Variants in COL26A1 observed in about 807,000 individuals in gnomAD.
COL26A1 encodes the protein collagen type XXVI alpha 1 chain, also known as collagen alpha-1(XXVI) chain.
A neutral mutation model predicts 59.3 loss-of-function variants in COL26A1; 41 were observed. The ratio of observed to expected loss-of-function variants is 0.69; its 90% CI spans 0.54 to 0.90. The LOEUF is 0.90. Among genes scored for constraint, COL26A1 ranks in the 40% least tolerant of loss-of-function variants. The pLI is 0.00. For missense variants in COL26A1, 612 were observed against 602.3 expected (o/e 1.02, Z -0.17); for synonymous variants, 266 against 256.0 (o/e 1.04, Z -0.37).
In COL26A1 at chr7:101,555,792, G is replaced by C. The variant is rs1386681205; in HGVS notation, c.1086G>C (p.Glu362Asp). The part of the protein sequence containing the change: ...EGEKAATAEG[E>D]GVQQLREALK... ...GCCTGTTTCCTCCCCGCCAGGGCGA[G>C]GGGGTGCAGCAGCTGAGAGAGGCCC... Residue 362 changes from glutamate (E) to aspartate (D), a missense_variant, in exon 12 of 13, where the codon GAG (glutamate) becomes GAC (aspartate). Glu to Asp is a conservative substitution (Grantham distance 45). Coordinates refer to ENST00000313669, the MANE Select transcript of COL26A1 (RefSeq NM_001278563.3). 4 of 1,609,088 alleles carry C rather than the reference G, an allele frequency of 2.5e-6. No individual in the cohort carries two copies. Among genetic ancestry groups the C allele is most frequent in the South Asian group, 1.1e-5 (1 of 89,554 alleles).
chr7:101,520,687 C>T (rs1280818076), intron 3 of COL26A1, among the ~76,000 whole-genome samples: 1 of 148,980 alleles, frequency 6.7e-6, no homozygotes, highest in East Asian at 2.0e-4. Flanking sequence ...CATGTTTTTG[C>T]TCCAGCAGGG....
intron 1 of COL26A1, among the ~76,000 whole-genome samples, chr7:101,403,823 C>T (rs1161743931): frequency 2.6e-5 from 4 of 152,044 alleles, no homozygotes; most frequent in Non-Finnish European, 2.9e-5. Context: ...AGGCCGGGCA[C>T]GGTGGCTCAC....
At chr7:101,408,773 C>A (rs1285011714) in intron 1 of COL26A1, among the ~76,000 whole-genome samples, 1 of 152,168 alleles carries the variant, frequency 6.6e-6, no homozygotes, top group Non-Finnish European at 1.5e-5. Flanking sequence ...TTAGACTTGG[C>A]TCCTTGCTGC....
intron 3 of COL26A1, among the ~76,000 whole-genome samples, chr7:101,489,680 C>CTTTCTGT (rs1563007460): frequency 4.7e-4 from 10 of 21,362 alleles, no homozygotes; most frequent in African/African-American, 5.7e-4. Flanking sequence ...TTCCTTCCTT[C>CTTTCTGT]CTTTCTTTCT....
intron 1 of COL26A1, among the ~76,000 whole-genome samples, chr7:101,386,264 T>G (rs13438206): frequency 4.2e-5 from 6 of 141,298 alleles, no homozygotes; most frequent in South Asian, 2.3e-4. Flanking sequence ...CTTGTTTTTT[T>G]TTTTTTTTTT....
intron 2 of COL26A1, among the ~76,000 whole-genome samples, chr7:101,420,434 C>G (rs896750210): frequency 6.6e-6 from 1 of 152,120 alleles, no homozygotes; most frequent in African/African-American, 2.4e-5. Context: ...AGCCTTATGG[C>G]TCCAGGCTGG....
At chr7:101,482,695 G>T (rs571866391) in intron 3 of COL26A1, among the ~76,000 whole-genome samples, 1 of 152,134 alleles carries the variant, frequency 6.6e-6, no homozygotes, top group Non-Finnish European at 1.5e-5. Flanking sequence ...GGTGACTCAC[G>T]CCTGTAATCC....
At chr7:101,387,764 A>ATTTTTTTTTTTTT in intron 1 of COL26A1, among the ~76,000 whole-genome samples, 4 of 37,818 alleles carry the variant, frequency 1.1e-4, no homozygotes, top group Non-Finnish European at 2.4e-4. Context: ...TTATATATAT[A>ATTTTTTTTTTTTT]TATATATATA....
At chr7:101,496,440 G>A (rs10953344) in intron 3 of COL26A1, among the ~76,000 whole-genome samples, 21,872 of 152,176 alleles carry the variant, frequency 0.14, 3,651 homozygotes, top group African/African-American at 0.41. Context: ...GCTGGGGTTT[G>A]GGGGTTTTGG....
At chr7:101,486,370 G>A (rs895405700) in intron 3 of COL26A1, among the ~76,000 whole-genome samples, 2 of 152,188 alleles carry the variant, frequency 1.3e-5, no homozygotes, top group Non-Finnish European at 2.9e-5. Context: ...TACCCCATAG[G>A]GAGCTCTGAA....
At chr7:101,372,389 T>TGA (rs1360243586) in intron 1 of COL26A1, among the ~76,000 whole-genome samples, 1 of 151,976 alleles carries the variant, frequency 6.6e-6, no homozygotes, top group Non-Finnish European at 1.5e-5. Context: ...CTTGAACTCC[T>TGA]GACGTCAAGT....
intron 1 of COL26A1, among the ~76,000 whole-genome samples, chr7:101,415,753 C>A (rs1792357286): frequency 6.6e-6 from 1 of 152,126 alleles, no homozygotes; most frequent in South Asian, 2.1e-4. Flanking sequence ...CCTCAGCCTC[C>A]CGAGTAGCTG....
intron 1 of COL26A1, among the ~76,000 whole-genome samples, chr7:101,384,749 T>C (rs1366819264): frequency 1.3e-5 from 2 of 152,128 alleles, no homozygotes; most frequent in Non-Finnish European, 2.9e-5. Flanking sequence ...TTAAGGAGAA[T>C]TGACTCATGC....
At chr7:101,439,827 C>T (rs932432194) in intron 2 of COL26A1, among the ~76,000 whole-genome samples, 2 of 152,076 alleles carry the variant, frequency 1.3e-5, no homozygotes, top group African/African-American at 2.4e-5. Context: ...GGGACAACAC[C>T]CCGCTCCAGA....
chr7:101,436,393 C>T (rs1252151427), intron 2 of COL26A1, among the ~76,000 whole-genome samples: 1 of 152,150 alleles, frequency 6.6e-6, no homozygotes, highest in African/African-American at 2.4e-5. Flanking sequence ...TCGGAACCTC[C>T]CAGTCTGTTT....
chr7:101,441,782 C>G (rs1793064078), intron 2 of COL26A1, among the ~76,000 whole-genome samples: 1 of 152,166 alleles, frequency 6.6e-6, no homozygotes, highest in Non-Finnish European at 1.5e-5. Context: ...GCAGCCCGGA[C>G]TCTCTCCTGA....
At chr7:101,465,553 G>T (rs563330630) in intron 3 of COL26A1, among the ~76,000 whole-genome samples, 2 of 152,142 alleles carry the variant, frequency 1.3e-5, no homozygotes, top group African/African-American at 4.8e-5. Flanking sequence ...AATCAGTCGG[G>T]CGTGGTGGTG....
chr7:101,464,987 T>C (rs1793722040), intron 3 of COL26A1, among the ~76,000 whole-genome samples: 1 of 151,632 alleles, frequency 6.6e-6, no homozygotes, highest in Admixed American at 6.6e-5. Context: ...ACTGGTATTA[T>C]AGGTGTAAGT....
chr7:101,483,990 AGTGT>A (rs55863250), intron 3 of COL26A1, among the ~76,000 whole-genome samples: 8,447 of 127,856 alleles, frequency 0.066, 310 homozygotes, highest in African/African-American at 0.11. Context: ...AACTTTTTAA[AGTGT>A]GTGTGTGTGT....
Sources: allele counts gnomAD v4.1 joint callset (sites outside exome capture counted in the v4.1 genomes callset), GRCh38; gene constraint gnomAD v4.1.1; transcripts MANE v1.5; gene names NCBI Gene and HGNC (gene_info 2026-07-23, HGNC 2026-07-21).